The following MDFIC2 variants were observed in gnomAD, a reference collection of about 807,000 sequenced individuals.
MDFIC2 encodes MyoD family inhibitor domain containing 2.
intron 2 of MDFIC2, among the ~76,000 whole-genome samples, chr3:70,257,084 G>A (rs974319477): frequency 1.3e-5 from 2 of 152,246 alleles, no homozygotes; most frequent in East Asian, 1.9e-4. Flanking sequence ...TGAAAAATGA[G>A]AGAGGATATT....
At position 70,276,895 on chromosome 3, in the gene MDFIC2, GTTTATGTTCTCAAC is replaced by G. The variant is rs1197491411; in HGVS notation, c.88+34977_88+34990del. Among the ~76,000 whole-genome samples the G allele has an allele frequency of 2.3e-4, 35 of 152,158 alleles. 1 individual carries two copies. The South Asian group carries it at 6.2e-3, about 27-fold the overall frequency. The stretch of plus-strand genomic sequence containing the variant: ...GTTTTGTCAAATTACACTCCAGAAA[GTTTATGTTCTCAAC>G]TGTAATCAGTGAGAAATCCTCACAT... On this transcript the variant is annotated intron_variant, in intron 2 of 3. Coordinates refer to ENST00000567252, the MANE Select transcript of MDFIC2 (RefSeq NM_001364677.1).
chr3:70,266,040 C>T (rs1309026017), intron 2 of MDFIC2, among the ~76,000 whole-genome samples: 2 of 152,252 alleles, frequency 1.3e-5, no homozygotes, highest in East Asian at 3.9e-4. Context: ...AAAAAGTTTG[C>T]TTATTCAGAA....
chr3:70,249,166 A>G (rs1157427615), intron 2 of MDFIC2: 2 of 152,212 alleles, frequency 1.3e-5, no homozygotes, highest in African/African-American at 4.8e-5. Flanking sequence ...CAAGTTCTAC[A>G]TTAGGAACAC....
At chr3:70,243,610 T>C (rs1277352557) in intron 2 of MDFIC2, among the ~76,000 whole-genome samples, 1 of 152,212 alleles carries the variant, frequency 6.6e-6, no homozygotes, top group African/African-American at 2.4e-5. Context: ...TGCTGTGCTA[T>C]GCATTCTGGG....
rs554778120 is a variant in MDFIC2 at position 70,247,874 on chromosome 3, A to T, written c.89-41084T>A. On this transcript the variant is annotated intron_variant, in intron 2 of 3. Transcript: ENST00000567252. ...ATTCATGAAGCACTAAAATAATATC[A>T]TAAGTTATTTTTTATAAGTTTCTGT... Among the ~76,000 whole-genome samples, 4 of 152,202 alleles carry T rather than the reference A, an allele frequency of 2.6e-5. No homozygotes were observed. The South Asian group carries it at 6.2e-4, about 24-fold the overall frequency.
At chr3:70,206,013 C>A (rs1701287637) in intron 3 of MDFIC2, 1 of 151,882 alleles carries the variant, frequency 6.6e-6, no homozygotes, top group Non-Finnish European at 1.5e-5. Flanking sequence ...ACGAAATGTA[C>A]TCTTTATGTC....
At chr3:70,245,677 A>T (rs1302220086) in intron 2 of MDFIC2, among the ~76,000 whole-genome samples, 1 of 99,432 alleles carries the variant, frequency 1.0e-5, no homozygotes, top group Non-Finnish European at 1.9e-5. Context: ...TGCTTTATAT[A>T]TATATATATA....
At chr3:70,301,673 G>T (rs942298783) in intron 2 of MDFIC2, among the ~76,000 whole-genome samples, 23 of 152,070 alleles carry the variant, frequency 1.5e-4, no homozygotes, top group Non-Finnish European at 3.1e-4. Context: ...TAAGACAAAC[G>T]TGAAGTGTGG....
At chr3:70,300,410 T>C (rs2106701122) in intron 2 of MDFIC2, among the ~76,000 whole-genome samples, 1 of 152,212 alleles carries the variant, frequency 6.6e-6, no homozygotes, top group African/African-American at 2.4e-5. Context: ...AACTACCACG[T>C]TATCTTACAA....
At chr3:70,280,298 G>A (rs1228037353) in intron 2 of MDFIC2, among the ~76,000 whole-genome samples, 2 of 152,042 alleles carry the variant, frequency 1.3e-5, no homozygotes, top group Admixed American at 6.5e-5. Flanking sequence ...ATCTCTCCAC[G>A]TCAGGATCCT....
At chr3:70,272,345 C>CT (rs1024768141) in intron 2 of MDFIC2, 7 of 152,306 alleles carry the variant, frequency 4.6e-5, no homozygotes, top group African/African-American at 1.7e-4. Flanking sequence ...TTAAATTTGC[C>CT]TTTCCTAAGA....
chr3:70,275,470 A>G (rs1465634018), intron 2 of MDFIC2, among the ~76,000 whole-genome samples: 1 of 152,198 alleles, frequency 6.6e-6, no homozygotes, highest in Non-Finnish European at 1.5e-5. Context: ...AGCAGTGATC[A>G]TGCCACTGCA....
At chr3:70,286,411 G>T (rs1302230795) in intron 2 of MDFIC2, among the ~76,000 whole-genome samples, 3 of 151,810 alleles carry the variant, frequency 2.0e-5, no homozygotes, top group East Asian at 1.9e-4. Flanking sequence ...CTGTTCCATT[G>T]ATCTATATCT....
chr3:70,233,153 C>A lies in MDFIC2; in HGVS notation c.89-26363G>T, dbSNP rs372609678. ...GCAGTGAGCCAAGATCGCGCCACTG[C>A]ATTCCAGCCTGGGCAACAGAGTCTC... On this transcript the variant is annotated intron_variant, in intron 2 of 3. Coordinates refer to ENST00000567252, the MANE Select transcript of MDFIC2 (RefSeq NM_001364677.1). Among the ~76,000 whole-genome samples, 5 of 152,202 alleles carry A rather than the reference C, an allele frequency of 3.3e-5. 1 individual carries two copies. In the East Asian group the frequency reaches 7.7e-4, roughly 23 times the overall value.
intron 2 of MDFIC2, among the ~76,000 whole-genome samples, chr3:70,284,359 G>C (rs1702119011): frequency 6.6e-6 from 1 of 152,106 alleles, no homozygotes; most frequent in South Asian, 2.1e-4. Flanking sequence ...GTTTGCATTT[G>C]AGTTTTCATA....
chr3:70,290,783 T>C (rs1336840753), intron 2 of MDFIC2, among the ~76,000 whole-genome samples: 1 of 152,122 alleles, frequency 6.6e-6, no homozygotes, highest in Non-Finnish European at 1.5e-5. Flanking sequence ...TTTAAGCTTG[T>C]CGGAAAAGCG....
intron 2 of MDFIC2, among the ~76,000 whole-genome samples, chr3:70,254,246 T>G (rs1355607098): frequency 6.6e-6 from 1 of 152,200 alleles, no homozygotes; most frequent in East Asian, 1.9e-4. Context: ...TTCTGTTAAG[T>G]TTAATGGATA....
At chr3:70,227,032 C>T (rs576328120) in intron 2 of MDFIC2, among the ~76,000 whole-genome samples, 2 of 152,144 alleles carry the variant, frequency 1.3e-5, no homozygotes, top group African/African-American at 4.8e-5. Context: ...CATCTTTTTC[C>T]TGGGAAAATA....
chr3:70,281,897 C>G (rs930180402), intron 2 of MDFIC2, among the ~76,000 whole-genome samples: 1 of 152,136 alleles, frequency 6.6e-6, no homozygotes, highest in African/African-American at 2.4e-5. Flanking sequence ...CCCATGAAAT[C>G]TTCAGTTTTA....
Sources: allele counts gnomAD v4.1 joint callset (sites outside exome capture counted in the v4.1 genomes callset), GRCh38; gene constraint gnomAD v4.1.1; transcripts MANE v1.5; gene names NCBI Gene and HGNC (gene_info 2026-07-23, HGNC 2026-07-21).